Variants in PID1 observed in about 807,000 individuals in gnomAD.
The protein encoded by PID1 is PTB-containing, cubilin and LRP1-interacting protein.
PID1 carries 10 observed loss-of-function variants against 19.1 expected under a neutral mutation model. The observed-to-expected ratio is 0.52, with a 90% CI of 0.32 to 0.89. The LOEUF is 0.89. Ranked by LOEUF, PID1 falls within the 40% of genes least tolerant of loss-of-function variation. The probability of loss-of-function intolerance (pLI) is 0.03; values close to 1 mark genes in which losing one functional copy is unlikely to be tolerated. For missense variants in PID1, 248 were observed against 285.3 expected (o/e 0.87, Z 0.94); for synonymous variants, 130 against 116.0 (o/e 1.12, Z -0.78).
chr2:229,218,807 C>T (rs1691903574), intron 1 of PID1, among the ~76,000 whole-genome samples: 1 of 152,112 alleles, frequency 6.6e-6, no homozygotes, highest in South Asian at 2.1e-4. Context: ...AGACAAGTAG[C>T]AGGGATGCAG....
chr2:229,096,690 ATACTCAG>A (rs1694976817), intron 2 of PID1, among the ~76,000 whole-genome samples: 1 of 152,226 alleles, frequency 6.6e-6, no homozygotes, highest in Non-Finnish European at 1.5e-5. Flanking sequence ...AGGGTCCTAC[ATACTCAG>A]AGCTTTCAGA....
intron 1 of PID1, among the ~76,000 whole-genome samples, chr2:229,203,140 A>G (rs1361856191): frequency 6.6e-6 from 1 of 152,104 alleles, no homozygotes; most frequent in East Asian, 1.9e-4. Flanking sequence ...ACGCCTGGTG[A>G]TTCTAGTGAA....
intron 2 of PID1, among the ~76,000 whole-genome samples, chr2:229,146,525 TTGTG>T (rs143860908): frequency 0.037 from 5,551 of 148,656 alleles, 373 homozygotes; most frequent in African/African-American, 0.13. Context: ...TGTGAACATT[TTGTG>T]TGTGTGTGTG....
At chr2:229,193,398 T>C (rs905242233) in intron 1 of PID1, among the ~76,000 whole-genome samples, 7 of 152,184 alleles carry the variant, frequency 4.6e-5, no homozygotes, top group Non-Finnish European at 1.0e-4. Flanking sequence ...CTCTAAGGCT[T>C]GTTCTGAGCT....
intron 2 of PID1, among the ~76,000 whole-genome samples, chr2:229,124,581 T>C (rs1233075481): frequency 6.6e-6 from 1 of 152,148 alleles, no homozygotes; most frequent in South Asian, 2.1e-4. Flanking sequence ...ATATTTGCCT[T>C]TATTCTACTC....
chr2:229,199,341 AT>A, intron 1 of PID1, among the ~76,000 whole-genome samples: 1 of 151,886 alleles, frequency 6.6e-6, no homozygotes, highest in Non-Finnish European at 1.5e-5. Flanking sequence ...TTTGATTTTA[AT>A]TTTTGTTGGT....
At chr2:229,211,031 T>C (rs1691722399) in intron 1 of PID1, among the ~76,000 whole-genome samples, 1 of 152,222 alleles carries the variant, frequency 6.6e-6, no homozygotes. Flanking sequence ...CAAATAAAGC[T>C]GCCTTACAAC....
chr2:229,096,681 G>C (rs1198263238), intron 2 of PID1, among the ~76,000 whole-genome samples: 1 of 152,162 alleles, frequency 6.6e-6, no homozygotes, highest in East Asian at 1.9e-4. Context: ...AAAAGCACCA[G>C]GGTCCTACAT....
At position 229,145,147 on chromosome 2, in the gene PID1, A is replaced by ATGTGTG. The variant is rs560967818; in HGVS notation, c.177+10670_177+10671insCACACA. Among the ~76,000 whole-genome samples the ATGTGTG allele has an allele frequency of 1.4e-3, 166 of 116,652 alleles. 5 individuals carry two copies. The South Asian group carries it at 0.015, about 10-fold the overall frequency. The allele number at this position is 116,652 out of a possible 152,430, so 76.5% of individuals were successfully genotyped here. A position where few individuals can be genotyped will look rare whatever the true frequency, so the allele number is the denominator to read the frequency against. On this transcript the variant is annotated intron_variant, in intron 2 of 2. Transcript: ENST00000392055. ...CATAACGAATGCTGAGTTTAAATAT[A>ATGTGTG]TGTATGTGTATATATATATATATAT... is the stretch of plus-strand genomic sequence containing the variant.
chr2:229,183,219 T>C (rs1417157021), intron 1 of PID1, among the ~76,000 whole-genome samples: 1 of 152,194 alleles, frequency 6.6e-6, no homozygotes, highest in Non-Finnish European at 1.5e-5. Context: ...GTGTCTATTA[T>C]GCAAGCCAAG....
At chr2:229,046,793 A>G (rs554938451) in intron 2 of PID1, among the ~76,000 whole-genome samples, 4 of 152,324 alleles carry the variant, frequency 2.6e-5, no homozygotes, top group African/African-American at 7.2e-5. Flanking sequence ...CAATTTGACG[A>G]TACCATCTTG....
intron 1 of PID1, among the ~76,000 whole-genome samples, chr2:229,241,176 T>C (rs532445826): frequency 6.6e-6 from 1 of 152,296 alleles, no homozygotes; most frequent in South Asian, 2.1e-4. Flanking sequence ...TTCCCACAGC[T>C]GTGTCTTCTT....
Position 229,025,626 on chromosome 2 carries a change from G to T in PID1, c.*6C>A, listed in dbSNP as rs745456589. The T allele has an allele frequency of 2.0e-5, 32 of 1,597,860 alleles. 1 individual carries two copies. The South Asian group carries it at 3.1e-4, about 15-fold the overall frequency. On this transcript the variant is annotated 3_prime_UTR_variant, in exon 3 of 3. Coordinates refer to ENST00000392055, the MANE Select transcript of PID1 (RefSeq NM_001100818.2). ...TGCTGCCTTTGCTGAAGCGTCTCAA[G>T]TTCATTCAGCCATCATCGGATTCCA...
chr2:229,178,488 T>G (rs541548616), intron 1 of PID1, among the ~76,000 whole-genome samples: 4 of 152,344 alleles, frequency 2.6e-5, no homozygotes, highest in African/African-American at 9.6e-5. Flanking sequence ...ATACAGGTAA[T>G]AATTCTTTTG....
chr2:229,045,135 G>A (rs903191030), intron 2 of PID1, among the ~76,000 whole-genome samples: 7 of 152,034 alleles, frequency 4.6e-5, no homozygotes, highest in Non-Finnish European at 1.0e-4. Flanking sequence ...TGTATTTTTA[G>A]TAGAGATGGG....
intron 2 of PID1, among the ~76,000 whole-genome samples, chr2:229,102,971 G>A (rs929169594): frequency 1.3e-5 from 2 of 152,170 alleles, no homozygotes; most frequent in African/African-American, 2.4e-5. Context: ...GGAAGTTGAC[G>A]AAGAGGAGGT....
At chr2:229,096,395 G>C (rs973757066) in intron 2 of PID1, among the ~76,000 whole-genome samples, 1 of 152,152 alleles carries the variant, frequency 6.6e-6, no homozygotes, top group African/African-American at 2.4e-5. Context: ...CTGCTAAATA[G>C]AGTGAAGATA....
At position 229,246,838 on chromosome 2, in the gene PID1, G is replaced by T. The variant is rs150304520; in HGVS notation, c.30+24176C>A. ...GCTGGGTTGGTCAGCACAAGAAGTC[G>T]CCTAAGAAAGCCAGTTCTCACAATC... On this transcript the variant is annotated intron_variant, in intron 1 of 2. Transcript: ENST00000392055. 7.2e-5 allele frequency among the ~76,000 whole-genome samples: 11 copies of T among 152,070 alleles called. No individual in the cohort carries two copies. The East Asian group carries it at 1.9e-3, about 27-fold the overall frequency.
chr2:229,227,960 G>A (rs1434129562), intron 1 of PID1: 3 of 455,690 alleles, frequency 6.6e-6, no homozygotes, highest in East Asian at 6.9e-5. Flanking sequence ...TTCATACCAC[G>A]GTCTTGACTA....
Sources: gnomAD v4.1 joint callset for allele counts (sites outside exome capture counted in the v4.1 genomes callset) on GRCh38, gnomAD v4.1.1 for gene constraint, MANE v1.5 for transcripts, NCBI Gene and HGNC (gene_info 2026-07-23, HGNC 2026-07-21) for gene names.